PTBP2: variants seen among roughly 807,000 people sequenced by gnomAD.
PTBP2 encodes polypyrimidine tract-binding protein 2.
A neutral mutation model predicts 61.4 loss-of-function variants in PTBP2; 13 were observed. The observed-to-expected ratio is 0.21, with a 90% confidence interval of 0.14 to 0.34. The LOEUF (loss-of-function observed/expected upper bound fraction) is 0.34. PTBP2 is among the 10% of genes least tolerant of loss of function. The probability of loss-of-function intolerance (pLI) is 1.00; values close to 1 mark genes in which losing one functional copy is unlikely to be tolerated. For missense variants in PTBP2, 405 were observed against 642.6 expected (o/e 0.63, Z 4.00); for synonymous variants, 215 against 218.5 (o/e 0.98, Z 0.14).
At chr1:96,760,829 C>A (rs541297636) in intron 3 of PTBP2, among the ~76,000 whole-genome samples, 2 of 152,252 alleles carry the variant, frequency 1.3e-5, no homozygotes, top group South Asian at 4.1e-4. Context: ...CCAGTAAGAA[C>A]ATGTTTGCTG....
At chr1:96,735,329 A>G (rs961390593) in intron 2 of PTBP2, among the ~76,000 whole-genome samples, 4 of 152,224 alleles carry the variant, frequency 2.6e-5, no homozygotes, top group African/African-American at 9.6e-5. Context: ...AGTTGGAACT[A>G]TTGATGGTGG....
intron 3 of PTBP2, among the ~76,000 whole-genome samples, chr1:96,763,478 T>C (rs1051352631): frequency 6.7e-6 from 1 of 149,658 alleles, no homozygotes; most frequent in East Asian, 2.1e-4. Context: ...CTCGGCAGGC[T>C]GAGGCAGGAG....
intron 3 of PTBP2, among the ~76,000 whole-genome samples, chr1:96,760,869 C>T (rs1045470762): frequency 6.6e-6 from 1 of 152,162 alleles, no homozygotes; most frequent in South Asian, 2.1e-4. Context: ...AAAAACTTTA[C>T]TGATAATGGT....
chr1:96,797,020 G>T (rs993409056), intron 8 of PTBP2, among the ~76,000 whole-genome samples: 2 of 152,212 alleles, frequency 1.3e-5, no homozygotes, highest in Non-Finnish European at 1.5e-5. Context: ...TCTTGGAAAA[G>T]TCATAGGATG....
intron 3 of PTBP2, among the ~76,000 whole-genome samples, chr1:96,763,559 G>C (rs1382439571): frequency 7.0e-6 from 1 of 142,954 alleles, no homozygotes; most frequent in Non-Finnish European, 1.5e-5. Context: ...TCATCAGAGG[G>C]AGACTGTGGA....
chr1:96,767,727 G>A (rs1656897032), intron 3 of PTBP2, among the ~76,000 whole-genome samples: 1 of 152,102 alleles, frequency 6.6e-6, no homozygotes, highest in Non-Finnish European at 1.5e-5. Context: ...CGGGCCTAGA[G>A]ATGATTTTGT....
chr1:96,816,455 A>G (rs1206547801), downstream of PTBP2: 1 of 152,186 alleles, frequency 6.6e-6, no homozygotes, highest in Non-Finnish European at 1.5e-5. Flanking sequence ...AGAAATAATC[A>G]GAAAAATTAT....
At chr1:96,754,373 G>T (rs1272186825) in intron 3 of PTBP2, among the ~76,000 whole-genome samples, 1 of 152,096 alleles carries the variant, frequency 6.6e-6, no homozygotes, top group Admixed American at 6.5e-5. Context: ...GGTTTATTAT[G>T]TAAATGGATG....
intron 2 of PTBP2, among the ~76,000 whole-genome samples, chr1:96,739,849 C>T (rs1194343963): frequency 1.3e-5 from 2 of 151,682 alleles, no homozygotes; most frequent in African/African-American, 4.8e-5. Flanking sequence ...GGACTCTTAT[C>T]TCCCGACCTC....
intron 2 of PTBP2, among the ~76,000 whole-genome samples, chr1:96,747,334 T>C (rs962709246): frequency 2.0e-5 from 3 of 152,162 alleles, no homozygotes; most frequent in African/African-American, 4.8e-5. Flanking sequence ...CGGTTTCTTA[T>C]AGAGATTTTT....
intron 2 of PTBP2, among the ~76,000 whole-genome samples, chr1:96,733,606 G>A (rs908318549): frequency 3.3e-5 from 5 of 152,140 alleles, no homozygotes; most frequent in African/African-American, 7.2e-5. Context: ...CCTGAGCCCA[G>A]GCGGCAGTGA....
At chr1:96,744,545 A>G (rs2100871944) in intron 2 of PTBP2, among the ~76,000 whole-genome samples, 1 of 152,344 alleles carries the variant, frequency 6.6e-6, no homozygotes, top group Non-Finnish European at 1.5e-5. Flanking sequence ...AAGATTAGCT[A>G]GCAAAACAAC....
At chr1:96,758,020 G>A (rs1655358349) in intron 3 of PTBP2, among the ~76,000 whole-genome samples, 2 of 151,930 alleles carry the variant, frequency 1.3e-5, no homozygotes, top group Admixed American at 6.6e-5. Context: ...AATCAAGGTC[G>A]AGATAATCAC....
chr1:96,805,083 A>C, intron 9 of PTBP2, 144 bp downstream of exon 9: 2 of 611,224 alleles, frequency 3.3e-6, no homozygotes, highest in South Asian at 6.5e-5. Flanking sequence ...ACTTCTGAAT[A>C]AAATCTACAT....
At chr1:96,812,566 A>T in intron 11 of PTBP2, 146 bp from the exon 12 acceptor site, 2 of 678,126 alleles carry the variant, frequency 2.9e-6, no homozygotes, top group Non-Finnish European at 4.8e-6. Context: ...AAATGTACTT[A>T]AGTCTTATCA....
At chr1:96,785,568 A>G (rs968885597) in intron 8 of PTBP2, among the ~76,000 whole-genome samples, 2 of 152,172 alleles carry the variant, frequency 1.3e-5, no homozygotes, top group East Asian at 3.9e-4. Flanking sequence ...CCATATTTAC[A>G]CTTTAAACTT....
At chr1:96,727,538 C>T (rs1257781035) in intron 2 of PTBP2, among the ~76,000 whole-genome samples, 1 of 152,016 alleles carries the variant, frequency 6.6e-6, no homozygotes, top group East Asian at 1.9e-4. Flanking sequence ...TCCAGTCCTT[C>T]CACATCCTCT....
chr1:96,740,720 A>G (rs967171983), intron 2 of PTBP2, among the ~76,000 whole-genome samples: 2 of 152,140 alleles, frequency 1.3e-5, no homozygotes, highest in Admixed American at 6.5e-5. Context: ...TAAACTATAG[A>G]TGTACTATCA....
chr1:96,812,382 G>A (rs1662169044), intron 11 of PTBP2, among the ~76,000 whole-genome samples: 1 of 152,196 alleles, frequency 6.6e-6, no homozygotes, highest in East Asian at 1.9e-4. Flanking sequence ...CAATTAGGAT[G>A]TGTAACAGAA....
Sources: gnomAD v4.1 joint callset for allele counts (sites outside exome capture counted in the v4.1 genomes callset) on GRCh38, gnomAD v4.1.1 for gene constraint, MANE v1.5 for transcripts, NCBI Gene and HGNC (gene_info 2026-07-23, HGNC 2026-07-21) for gene names.